PNLDC1: variants seen among roughly 807,000 people sequenced by gnomAD.
PNLDC1 encodes the protein PARN like ribonuclease domain containing exonuclease 1, also known as poly(A)-specific ribonuclease PNLDC1.
In PNLDC1, 70 loss-of-function variants were observed where a neutral mutation model predicts 82.0. That is an observed-to-expected ratio of 0.85 (90% CI 0.70 to 1.04). The LOEUF (loss-of-function observed/expected upper bound fraction) is 1.04. PNLDC1 is among the 50% of genes least tolerant of loss of function. The pLI is 0.00. For synonymous variants in PNLDC1, 280 were observed against 249.3 expected (o/e 1.12, Z -1.16); for missense variants, 631 against 661.1 (o/e 0.95, Z 0.50).
At chr6:159,817,291 GTCCCTGAC>G in intron 15 of PNLDC1, 140 bp downstream of exon 15, 1 of 824,926 alleles carries the variant, frequency 1.2e-6, no homozygotes, top group Non-Finnish European at 2.0e-6. Flanking sequence ...TAGAAATCTT[GTCCCTGAC>G]TGGGCAGCAG....
In PNLDC1 at chr6:159,800,286, G is replaced by T. The variant is rs114432130; in HGVS notation, c.-22G>T. Reference sequence around the variant, plus strand: ...TGGGCAGCACGTGATAGCGCTGGGCGACTCCGCGGAGCTGCACGGCCATGG... The same window carrying T: ...TGGGCAGCACGTGATAGCGCTGGGCTACTCCGCGGAGCTGCACGGCCATGG... On this transcript the variant is annotated 5_prime_UTR_variant, in exon 1 of 19. Coordinates refer to ENST00000392167, the MANE Select transcript of PNLDC1 (RefSeq NM_001271862.2). 1.4e-5 allele frequency: 21 copies of T among 1,540,018 alleles called. No homozygotes were observed. The highest frequency in any genetic ancestry group is 1.1e-4 in the African/African-American group (8 of 72,770).
Position 159,806,004 on chromosome 6 carries a change from C to T in PNLDC1, c.483C>T (p.Ile161=), listed in dbSNP as rs774929410. 11 of 1,614,028 alleles carry T rather than the reference C, an allele frequency of 6.8e-6. No homozygotes were observed. Among genetic ancestry groups the T allele is most frequent in the South Asian group, 1.1e-5 (1 of 91,078 alleles). Residue 161 remains isoleucine, a synonymous_variant, in exon 7 of 19, where the codon ATC becomes ATT. Coordinates refer to ENST00000392167, the MANE Select transcript of PNLDC1 (RefSeq NM_001271862.2). ...RVRSSPDKDQ[I]KVVIDEVTRW... is the part of the protein sequence containing the mutation. Reference sequence around the variant, plus strand: ...TCAGCTCTCCGGATAAAGACCAAATCAAGGTGGTGATTGACGAAGTGACGC... The same window carrying T: ...TCAGCTCTCCGGATAAAGACCAAATTAAGGTGGTGATTGACGAAGTGACGC...
intron 12 of PNLDC1, 56 bp downstream of exon 12, chr6:159,813,712 G>T: frequency 6.6e-7 from 1 of 1,510,348 alleles, no homozygotes; most frequent in South Asian, 1.1e-5. Context: ...GCCTCCCTGT[G>T]CTCCGCAGGC....
rs116320984 is a variant in PNLDC1 at position 159,803,195 on chromosome 6, G to T, written c.209-76G>T. On this transcript the variant is annotated intron_variant, in intron 3 of 18. Coordinates refer to ENST00000392167, the MANE Select transcript of PNLDC1 (RefSeq NM_001271862.2). ...TATCTGTGGGCGCAAAGTACTGTTT[G>T]AGTTGTTTTTGTCTTTGTAGTGAAA... 1.1e-3 allele frequency: 1,531 copies of T among 1,394,544 alleles called. 15 individuals carry two copies. In the African/African-American group the frequency reaches 0.019, roughly 17 times the overall value. 86.4% of individuals were successfully genotyped at this position (1,394,544 alleles called of 1,614,324 possible).
intron 6 of PNLDC1, 47 bp from the exon 7 acceptor site, chr6:159,805,936 T>C (rs1179414634): frequency 2.1e-6 from 3 of 1,400,206 alleles, no homozygotes; most frequent in Non-Finnish European, 3.0e-6. Flanking sequence ...CTTGCGGTTC[T>C]GAAGTGTTTT....
chr6:159,816,568 C>A lies in PNLDC1; in HGVS notation c.1086C>A (p.Ala362=), dbSNP rs777780279. ...TTGAGACAAAGTGCCCCCACGAAGC[C>A]GCGTATGATGCCTTCCTCTGTGGGT... ...KYVETKCPHE[A]AYDAFLCGSV... Residue 362 remains alanine (A), a synonymous_variant, in exon 14 of 19, where the codon GCC becomes GCA. Transcript: ENST00000392167. 32 of 1,613,462 alleles carry A rather than the reference C, an allele frequency of 2.0e-5. No individual in the cohort carries two copies. The highest frequency in any genetic ancestry group is 2.6e-5 in the Non-Finnish European group (31 of 1,179,930).
chr6:159,816,630 CTTTTTTTT>C, intron 14 of PNLDC1, 34 bp downstream of exon 14: 1 of 1,309,214 alleles, frequency 7.6e-7, no homozygotes. Context: ...AGGAAACTCA[CTTTTTTTT>C]TTTTTTTTTC....
At chr6:159,802,844 A>G (rs368669877) in intron 3 of PNLDC1, among the ~76,000 whole-genome samples, 118 of 152,070 alleles carry the variant, frequency 7.8e-4, no homozygotes, top group African/African-American at 2.6e-3. Flanking sequence ...AGGTCTCCCA[A>G]AGTGTTGGGA....
intron 8 of PNLDC1, 48 bp downstream of exon 8, chr6:159,808,864 C>T (rs764771369): frequency 1.2e-5 from 20 of 1,605,396 alleles, no homozygotes; most frequent in Non-Finnish European, 1.5e-5. Context: ...TTGTTTCTCT[C>T]TCATAATTGG....
chr6:159,800,413 G>A (rs1781197231), intron 1 of PNLDC1, 30 bp downstream of exon 1: 2 of 1,541,390 alleles, frequency 1.3e-6, no homozygotes, highest in East Asian at 2.5e-5. Context: ...CGGCTGTGCC[G>A]GACAGAGCCC....
chr6:159,810,372 T>C (rs1351975661), intron 10 of PNLDC1, among the ~76,000 whole-genome samples: 1 of 152,252 alleles, frequency 6.6e-6, no homozygotes, highest in African/African-American at 2.4e-5. Flanking sequence ...TGTATGAAGC[T>C]TGGCAAAATC....
intron 10 of PNLDC1, among the ~76,000 whole-genome samples, chr6:159,810,566 A>G (rs1056147683): frequency 2.6e-5 from 4 of 152,062 alleles, no homozygotes; most frequent in African/African-American, 9.7e-5. Flanking sequence ...GCTGTCCCCT[A>G]CTGTTTCATG....
At chr6:159,804,166 G>A in intron 5 of PNLDC1, 78 bp downstream of exon 5, 2 of 1,519,618 alleles carry the variant, frequency 1.3e-6, no homozygotes, top group Non-Finnish European at 1.8e-6. Context: ...GCCCAGGCTG[G>A]AGTGCAGTGG....
intron 13 of PNLDC1, 28 bp downstream of exon 13, chr6:159,816,061 G>T: frequency 6.5e-7 from 1 of 1,531,768 alleles, no homozygotes; most frequent in Non-Finnish European, 8.8e-7. Flanking sequence ...CATAATCCTT[G>T]CACAGTCGGC....
At chr6:159,818,808 C>T in intron 16 of PNLDC1, 138 bp from the exon 17 acceptor site, 1 of 1,202,090 alleles carries the variant, frequency 8.3e-7, no homozygotes, top group Non-Finnish European at 1.2e-6. Context: ...TCCACTAAAG[C>T]CAACATGGAC....
rs144514046 is a variant in PNLDC1 at position 159,806,056 on chromosome 6, G to A, written c.535G>A (p.Asp179Asn). 3.7e-5 allele frequency: 59 copies of A among 1,614,036 alleles called. 1 individual carries two copies. The highest frequency in any genetic ancestry group is 1.5e-4 in the African/African-American group (11 of 75,030). The change falls in exon 7 of 19, where the codon GAC becomes AAC. Residue 179 changes from aspartate to asparagine, a missense_variant. By Grantham distance (23) the Asp-to-Asn change is conservative. Transcript: ENST00000392167. ...GTGGCTGGAGCTGGCCAAGGAAGGC[G>A]ACTGGATGACTCTTCCTGGGATCAC... Reference protein sequence around the residue: ...TRWLELAKEGDWMTLPGITGF... With the variant: ...TRWLELAKEGNWMTLPGITGF...
rs1408394011 is a variant in PNLDC1 at position 159,813,619 on chromosome 6, G to A, written c.958G>A (p.Val320Met). ...DIWKEMNFPR[V>M]SNLSEVYEVL... ...ATTGTAGGAGATGAATTTCCCGAGG[G>A]TGTCGAATCTTTCGGAAGTCTATGA... Residue 320 changes from valine (V) to methionine (M), a missense_variant, in exon 12 of 19, where the codon GTG becomes ATG. By Grantham distance (21) the Val-to-Met change is conservative. Transcript: ENST00000392167. 2 of 1,613,396 alleles carry A rather than the reference G, an allele frequency of 1.2e-6. No individual in the cohort carries two copies. The highest frequency in any genetic ancestry group is 1.7e-6 in the Non-Finnish European group (2 of 1,179,438).
chr6:159,804,725 T>C lies in PNLDC1; in HGVS notation c.461+88T>C. 4.3e-6 allele frequency: 4 copies of C among 941,104 alleles called. No individual in the cohort carries two copies. In the South Asian group the frequency reaches 4.5e-5, roughly 11 times the overall value. The allele number at this position is 941,104 out of a possible 1,614,324, so 58.3% of individuals were successfully genotyped here. On this transcript the variant is annotated intron_variant, in intron 6 of 18. Transcript: ENST00000392167. ...GGCGGGCGTGCCGTTTCCAGGAGTG[T>C]GGTGACCTCCATCCATGCTTGGCGG...
intron 14 of PNLDC1, 103 bp from the exon 15 acceptor site, chr6:159,817,006 A>G (rs544079823): frequency 4.1e-6 from 5 of 1,233,020 alleles, no homozygotes; most frequent in East Asian, 4.6e-5. Context: ...TGCCGTCCCT[A>G]GATTCTACAT....
Sources: allele counts gnomAD v4.1 joint callset (sites outside exome capture counted in the v4.1 genomes callset), GRCh38; gene constraint gnomAD v4.1.1; transcripts MANE v1.5; gene names NCBI Gene and HGNC (gene_info 2026-07-23, HGNC 2026-07-21).